CADM2: variants seen among roughly 807,000 people sequenced by gnomAD.
The protein encoded by CADM2 is cell adhesion molecule 2.
Under a neutral mutation model 49.8 loss-of-function variants are expected in CADM2, and 12 were observed. That is an observed-to-expected ratio of 0.24 (90% CI 0.15 to 0.39). The LOEUF is 0.39. CADM2 is among the 10% of genes least tolerant of loss of function. The probability of loss-of-function intolerance (pLI) is 1.00; values close to 1 mark genes in which losing one functional copy is unlikely to be tolerated. For missense variants in CADM2, 378 were observed against 492.3 expected, an observed-to-expected ratio of 0.77 and a Z score of 2.20; for synonymous variants, 214 against 175.4, an observed-to-expected ratio of 1.22 and a Z score of -1.74.
At chr3:85,026,531 T>C (rs1009135908) in intron 1 of CADM2, among the ~76,000 whole-genome samples, 16 of 152,334 alleles carry the variant, frequency 1.1e-4, no homozygotes, top group Admixed American at 7.8e-4. Flanking sequence ...CTTGTAGTTT[T>C]ATATTTTGTC....
At chr3:84,968,135 G>A (rs1313166523) in intron 1 of CADM2, among the ~76,000 whole-genome samples, 1 of 151,820 alleles carries the variant, frequency 6.6e-6, no homozygotes, top group African/African-American at 2.4e-5. Context: ...ATCTATTCAA[G>A]GGCTTTTATG....
chr3:85,058,428 A>C (rs376219388), intron 1 of CADM2, among the ~76,000 whole-genome samples: 6 of 151,992 alleles, frequency 3.9e-5, no homozygotes, highest in East Asian at 1.9e-4. Flanking sequence ...TTGTTGTTAA[A>C]ATGACTTTCT....
intron 8 of CADM2, among the ~76,000 whole-genome samples, chr3:85,963,466 T>C (rs1361081928): frequency 6.6e-6 from 1 of 151,870 alleles, no homozygotes; most frequent in Non-Finnish European, 1.5e-5. Flanking sequence ...TGATGCTCCC[T>C]GGATGTTTAG....
chr3:85,032,215 GT>G (rs71105002), intron 1 of CADM2, among the ~76,000 whole-genome samples: 2,221 of 147,422 alleles, frequency 0.015, 48 homozygotes, highest in African/African-American at 0.051. Context: ...CCAGTTACTG[GT>G]TTTTTTTTTT....
chr3:85,683,858 G>A (rs930369393), intron 1 of CADM2, among the ~76,000 whole-genome samples: 14 of 152,098 alleles, frequency 9.2e-5, no homozygotes, highest in African/African-American at 2.9e-4. Flanking sequence ...TATGACTCTT[G>A]GAGGATAAGT....
At chr3:85,295,777 T>TG (rs901100818) in intron 1 of CADM2, among the ~76,000 whole-genome samples, 3 of 151,062 alleles carry the variant, frequency 2.0e-5, no homozygotes, top group African/African-American at 7.3e-5. Context: ...GGGACTGTTG[T>TG]GGGGTTGGGG....
intron 1 of CADM2, among the ~76,000 whole-genome samples, chr3:85,427,912 A>T (rs1383265947): frequency 2.6e-5 from 4 of 152,124 alleles, no homozygotes; most frequent in Admixed American, 2.6e-4. Flanking sequence ...TTCTGCAGCT[A>T]TAACTTCAAT....
rs9813976 is a variant in CADM2 at position 85,844,754 on chromosome 3, G to A, written c.239-38537G>A. On this transcript the variant is annotated intron_variant, in intron 3 of 9. Coordinates refer to ENST00000383699, the MANE Select transcript of CADM2 (RefSeq NM_001167675.2). Reference sequence around the variant, plus strand: ...TACACACATGTATACCATATGTAACGAGTGTACACACACACACATATTGCA... The same window carrying A: ...TACACACATGTATACCATATGTAACAAGTGTACACACACACACATATTGCA... Among the ~76,000 whole-genome samples, 415 of 151,988 alleles carry A rather than the reference G, an allele frequency of 2.7e-3. 1 individual carries two copies. Among genetic ancestry groups the A allele is most frequent in the African/African-American group, 9.6e-3 (398 of 41,456 alleles).
chr3:85,924,604 T>C, intron 6 of CADM2, among the ~76,000 whole-genome samples: 1 of 150,994 alleles, frequency 6.6e-6, no homozygotes, highest in East Asian at 1.9e-4. Context: ...AATAAATAAA[T>C]AAATAAATAA....
chr3:86,060,594 T>C lies in CADM2; in HGVS notation c.971-5011T>C, dbSNP rs376116746. 9.2e-5 allele frequency among the ~76,000 whole-genome samples: 14 copies of C among 152,332 alleles called. No homozygotes were observed. The East Asian group carries it at 2.5e-3, about 27-fold the overall frequency. ...TTTTGAGACAGGAACTCTGTGTTCC[T>C]TAAACCTCTTTTTCCTTATAAATTA... On this transcript the variant is annotated intron_variant, in intron 8 of 9. Transcript: ENST00000383699.
intron 1 of CADM2, among the ~76,000 whole-genome samples, chr3:85,177,133 T>G (rs1202865425): frequency 6.6e-6 from 1 of 152,208 alleles, no homozygotes; most frequent in Admixed American, 6.5e-5. Flanking sequence ...TTTGTTCATT[T>G]GATGTGACTC....
intron 1 of CADM2, among the ~76,000 whole-genome samples, chr3:85,472,953 G>T (rs2038830131): frequency 6.6e-6 from 1 of 151,942 alleles, no homozygotes; most frequent in African/African-American, 2.4e-5. Context: ...ATTTCCATTT[G>T]CATGTTGAAC....
At chr3:85,257,331 T>C (rs2107878504) in intron 1 of CADM2, among the ~76,000 whole-genome samples, 1 of 152,250 alleles carries the variant, frequency 6.6e-6, no homozygotes, top group South Asian at 2.1e-4. Context: ...ATAAGACAAA[T>C]TAATGATTTT....
chr3:85,516,986 CT>C (rs1490141660), intron 1 of CADM2, among the ~76,000 whole-genome samples: 1 of 151,804 alleles, frequency 6.6e-6, no homozygotes. Context: ...CCTTTGAACA[CT>C]TTGTCATTTT....
chr3:85,753,466 T>C (rs1335766763), intron 2 of CADM2, among the ~76,000 whole-genome samples: 1 of 152,140 alleles, frequency 6.6e-6, no homozygotes, highest in Non-Finnish European at 1.5e-5. Flanking sequence ...CATATAAATT[T>C]AGTGAAAGAC....
At chr3:86,064,153 C>T (rs1739033930) in intron 8 of CADM2, among the ~76,000 whole-genome samples, 1 of 151,798 alleles carries the variant, frequency 6.6e-6, no homozygotes, top group Admixed American at 6.6e-5. Context: ...TGTGCTGCCC[C>T]CAGTAACTCG....
chr3:85,375,145 A>G (rs1023119563), intron 1 of CADM2, among the ~76,000 whole-genome samples: 1 of 152,218 alleles, frequency 6.6e-6, no homozygotes, highest in Non-Finnish European at 1.5e-5. Context: ...TGCTTTATAT[A>G]GAAGATTTGG....
chr3:85,798,251 G>T (rs991208854), intron 2 of CADM2, among the ~76,000 whole-genome samples: 5 of 152,130 alleles, frequency 3.3e-5, no homozygotes, highest in African/African-American at 1.2e-4. Context: ...TTCTTTCGCT[G>T]TGTAGAAGTT....
At chr3:85,217,195 A>G (rs1363414601) in intron 1 of CADM2, among the ~76,000 whole-genome samples, 1 of 151,836 alleles carries the variant, frequency 6.6e-6, no homozygotes, top group African/African-American at 2.4e-5. Context: ...TTTTAGTCTT[A>G]TAACACTGGC....
Sources: gnomAD v4.1 joint callset for allele counts (sites outside exome capture counted in the v4.1 genomes callset) on GRCh38, gnomAD v4.1.1 for gene constraint, MANE v1.5 for transcripts, NCBI Gene and HGNC (gene_info 2026-07-23, HGNC 2026-07-21) for gene names.